The following RABGAP1L variants were observed in gnomAD, a reference collection of about 807,000 sequenced individuals.
The protein encoded by RABGAP1L is RAB GTPase activating protein 1 like, also known as rab GTPase-activating protein 1-like.
In RABGAP1L, 63 loss-of-function variants were observed where a neutral mutation model predicts 137.7. The observed-to-expected ratio is 0.46, with a 90% CI of 0.37 to 0.56. The LOEUF (loss-of-function observed/expected upper bound fraction) is 0.56, where lower values mean the gene tolerates loss of function less well. Ranked by LOEUF, RABGAP1L falls within the 20% of genes least tolerant of loss-of-function variation. RABGAP1L has a pLI of 0.00. For missense variants in RABGAP1L, 1,095 were observed against 1,244.0 expected (o/e 0.88, Z 1.80); for synonymous variants, 431 against 433.7 (o/e 0.99, Z 0.08).
intron 19 of RABGAP1L, among the ~76,000 whole-genome samples, chr1:174,869,970 T>A (rs1043173394): frequency 1.3e-5 from 2 of 152,180 alleles, no homozygotes; most frequent in African/African-American, 2.4e-5. Flanking sequence ...TTATCCAGTC[T>A]ATGGTATTTT....
At chr1:174,176,731 A>ATAAAT (rs1414103078) in intron 1 of RABGAP1L, among the ~76,000 whole-genome samples, 3 of 92,762 alleles carry the variant, frequency 3.2e-5, no homozygotes, top group African/African-American at 1.0e-4. Context: ...AAAAAAAAAA[A>ATAAAT]AAAAAAAAAA....
intron 19 of RABGAP1L, among the ~76,000 whole-genome samples, chr1:174,884,543 A>T (rs891855496): frequency 6.6e-6 from 1 of 152,214 alleles, no homozygotes; most frequent in African/African-American, 2.4e-5. Flanking sequence ...TTGGCACTAT[A>T]TCAATTTCAG....
chr1:174,551,872 G>A (rs374813474), intron 13 of RABGAP1L, among the ~76,000 whole-genome samples: 157 of 152,180 alleles, frequency 1.0e-3, no homozygotes, highest in African/African-American at 3.4e-3. Context: ...AGATCCTGCA[G>A]CCATTAAAAA....
At chr1:174,318,576 ATTGT>A (rs1440470794) in intron 11 of RABGAP1L, among the ~76,000 whole-genome samples, 1 of 116,624 alleles carries the variant, frequency 8.6e-6, no homozygotes, top group Non-Finnish European at 1.9e-5. Flanking sequence ...CCATTTGGTG[ATTGT>A]TTTCTTTCTT....
intron 3 of RABGAP1L, among the ~76,000 whole-genome samples, chr1:174,229,834 A>G (rs955149190): frequency 2.6e-5 from 4 of 152,158 alleles, no homozygotes; most frequent in Admixed American, 6.5e-5. Flanking sequence ...TCCCTGAGGA[A>G]TCGCCACACT....
At chr1:174,642,282 AAAAT>A (rs1273919210) in intron 14 of RABGAP1L, among the ~76,000 whole-genome samples, 4 of 152,282 alleles carry the variant, frequency 2.6e-5, no homozygotes, top group African/African-American at 9.6e-5. Flanking sequence ...TAGGAGGACA[AAAAT>A]AAACTTAACC....
intron 12 of RABGAP1L, among the ~76,000 whole-genome samples, chr1:174,371,764 CG>C (rs1558175645): frequency 6.6e-6 from 1 of 152,000 alleles, no homozygotes; most frequent in East Asian, 1.9e-4. Flanking sequence ...TACATGCATG[CG>C]GGTAGTCCAG....
At chr1:174,555,993 C>CTTTTTT (rs367653521) in intron 13 of RABGAP1L, among the ~76,000 whole-genome samples, 1 of 115,468 alleles carries the variant, frequency 8.7e-6, no homozygotes, top group Non-Finnish European at 1.8e-5. Flanking sequence ...GTTCGTTTGC[C>CTTTTTT]TTTTTTTTTT....
At chr1:174,677,356 T>C (rs1447911836) in intron 14 of RABGAP1L, among the ~76,000 whole-genome samples, 2 of 152,170 alleles carry the variant, frequency 1.3e-5, no homozygotes, top group Admixed American at 1.3e-4. Context: ...TAATAAACCA[T>C]TGATAACAAC....
chr1:174,329,190 A>G (rs1680807413), intron 11 of RABGAP1L, among the ~76,000 whole-genome samples: 1 of 152,172 alleles, frequency 6.6e-6, no homozygotes, highest in Non-Finnish European at 1.5e-5. Flanking sequence ...AGTGGATCAT[A>G]AGAAACTGCT....
intron 11 of RABGAP1L, among the ~76,000 whole-genome samples, chr1:174,311,247 G>GGA (rs964534437): frequency 1.3e-5 from 2 of 152,160 alleles, no homozygotes; most frequent in Non-Finnish European, 2.9e-5. Flanking sequence ...CAAGGCGGCA[G>GGA]GAGAGAGAGT....
At chr1:174,473,655 A>G (rs1295286431) in intron 13 of RABGAP1L, among the ~76,000 whole-genome samples, 2 of 152,174 alleles carry the variant, frequency 1.3e-5, no homozygotes, top group Non-Finnish European at 2.9e-5. Flanking sequence ...TGACACATAT[A>G]ATTACATTAT....
At chr1:174,937,187 C>T (rs1417182395) in intron 19 of RABGAP1L, among the ~76,000 whole-genome samples, 1 of 151,902 alleles carries the variant, frequency 6.6e-6, no homozygotes, top group Non-Finnish European at 1.5e-5. Flanking sequence ...CCGTGTTGGC[C>T]AGGCTGGCCT....
At chr1:174,590,673 C>A (rs1669556776) in intron 13 of RABGAP1L, among the ~76,000 whole-genome samples, 1 of 18,318 alleles carries the variant, frequency 5.5e-5, no homozygotes, top group Non-Finnish European at 1.0e-4. Flanking sequence ...CTACAAAGGA[C>A]ATGAACTCAT....
At position 174,991,774 on chromosome 1, in the gene RABGAP1L, ATTTTTTTTTT is replaced by A. The variant is rs200566846; in HGVS notation, c.*1783_*1792del. The A allele has an allele frequency of 1.5e-5, 2 of 134,668 alleles. No homozygotes were observed. The highest frequency in any genetic ancestry group is 2.9e-5 in the African/African-American group (1 of 34,628). The allele number at this position is 134,668 out of a possible 1,614,324, so 8.3% of individuals were successfully genotyped here. ...TCTACATGGTGGTCTAGATAAGCTAATTTTTTTTTTTTTTTTTTTGTAAAATGTAATAGCT... is the reference window on the plus strand; with the variant it reads ...TCTACATGGTGGTCTAGATAAGCTAATTTTTTTTTGTAAAATGTAATAGCT... On this transcript the variant is annotated 3_prime_UTR_variant, in exon 26 of 26. Coordinates refer to ENST00000681986, the MANE Select transcript of RABGAP1L (RefSeq NM_001366446.1).
intron 3 of RABGAP1L, among the ~76,000 whole-genome samples, chr1:174,230,205 C>A (rs1323403781): frequency 1.4e-5 from 2 of 139,594 alleles, no homozygotes; most frequent in Non-Finnish European, 3.0e-5. Flanking sequence ...TATGAGAACA[C>A]ATGGACACAG....
chr1:174,346,239 G>T (rs186867166), intron 11 of RABGAP1L, among the ~76,000 whole-genome samples: 2 of 152,218 alleles, frequency 1.3e-5, no homozygotes, highest in East Asian at 3.9e-4. Flanking sequence ...TTGGCATCAG[G>T]ACAATACTGG....
At chr1:174,240,153 C>T (rs1302123039) in intron 4 of RABGAP1L, among the ~76,000 whole-genome samples, 1 of 152,194 alleles carries the variant, frequency 6.6e-6, no homozygotes, top group Non-Finnish European at 1.5e-5. Flanking sequence ...TCCCCTTACC[C>T]TCAGTTTCTA....
chr1:174,731,005 C>T (rs559406615), intron 17 of RABGAP1L, among the ~76,000 whole-genome samples: 73 of 152,150 alleles, frequency 4.8e-4, no homozygotes, highest in Non-Finnish European at 8.8e-4. Context: ...AAGAGCATCT[C>T]GCTCTGTTGC....
Sources: allele counts gnomAD v4.1 joint callset (sites outside exome capture counted in the v4.1 genomes callset), GRCh38; gene constraint gnomAD v4.1.1; transcripts MANE v1.5; gene names NCBI Gene and HGNC (gene_info 2026-07-23, HGNC 2026-07-21).